Variants in RTTN observed in about 807,000 individuals in gnomAD.
The protein encoded by RTTN is rotatin.
Under a neutral mutation model 269.2 loss-of-function variants are expected in RTTN, and 182 were observed. The ratio of observed to expected loss-of-function variants is 0.68; its 90% CI spans 0.60 to 0.76. The LOEUF (loss-of-function observed/expected upper bound fraction) is 0.76. RTTN is among the 30% of genes least tolerant of loss of function. The pLI is 0.00. For synonymous variants in RTTN, 1,006 were observed against 963.5 expected, an observed-to-expected ratio of 1.04 and a Z score of -0.82; for missense variants, 2,545 against 2,608.6, an observed-to-expected ratio of 0.98 and a Z score of 0.53.
intron 32 of RTTN, among the ~76,000 whole-genome samples, chr18:70,081,498 GGAAA>G (rs1361009134): frequency 1.3e-5 from 2 of 151,992 alleles, no homozygotes; most frequent in Non-Finnish European, 2.9e-5. Context: ...ACCAACAATG[GGAAA>G]GAGAGATATA....
intron 9 of RTTN, among the ~76,000 whole-genome samples, chr18:70,189,414 T>C (rs1035367980): frequency 3.9e-5 from 6 of 152,226 alleles, no homozygotes; most frequent in South Asian, 2.1e-4. Flanking sequence ...ACTTGGAATA[T>C]ATATTTTTAC....
rs1186610705 is a variant in RTTN at position 70,196,501 on chromosome 18, C to T, written c.841G>A (p.Asp281Asn). The T allele has an allele frequency of 1.2e-5, 19 of 1,604,548 alleles. No homozygotes were observed. Among genetic ancestry groups the T allele is most frequent in the South Asian group, 3.3e-5 (3 of 89,576 alleles). ...CTAATGAACAGATAAAAATAAATACCGTGTTTATTGGAGAAAAAACCTGGA... is the reference window on the plus strand; with the variant it reads ...CTAATGAACAGATAAAAATAAATACTGTGTTTATTGGAGAAAAAACCTGGA... ...RDPGFFSNKH[D>N]TVSQNSSLSY... is the part of the protein sequence containing the mutation. The change falls in exon 7 of 49, where the codon GAC (aspartate) becomes AAC (asparagine). Residue 281 changes from aspartate to asparagine, a missense_variant and splice_region_variant. Coordinates refer to ENST00000640769, the MANE Select transcript of RTTN (RefSeq NM_173630.4).
rs2056805055 is a variant in RTTN, at chr18:70,024,742, T to C, written c.5930A>G (p.Tyr1977Cys). Residue 1977 changes from tyrosine to cysteine, a missense_variant, in exon 44 of 49, where the codon TAT (tyrosine) becomes TGT (cysteine). Coordinates refer to ENST00000640769, the MANE Select transcript of RTTN (RefSeq NM_173630.4). ...MQISLQLLCVYTANFPNGCSS... is the reference protein window; with the variant it reads ...MQISLQLLCVCTANFPNGCSS... ...ATTACCATTTGGAAAATTTGCAGTA[T>C]AGACACAAAGGAGCTGCAGAGAAAT... is the stretch of plus-strand genomic sequence containing the variant. The C allele has an allele frequency of 6.2e-7, 1 of 1,613,740 alleles. No individual in the cohort carries two copies. The highest frequency in any genetic ancestry group is 8.5e-7 in the Non-Finnish European group (1 of 1,179,706).
At chr18:70,076,513 C>T (rs1027256124) in intron 32 of RTTN, among the ~76,000 whole-genome samples, 4 of 151,940 alleles carry the variant, frequency 2.6e-5, no homozygotes, top group South Asian at 2.1e-4. Flanking sequence ...GTTAAAGGCA[C>T]GATTACACTA....
At chr18:70,080,386 T>C (rs2058533514) in intron 32 of RTTN, among the ~76,000 whole-genome samples, 1 of 152,130 alleles carries the variant, frequency 6.6e-6, no homozygotes, top group Admixed American at 6.6e-5. Flanking sequence ...CACTTTGCTG[T>C]ACCAGAAGTA....
intron 25 of RTTN, among the ~76,000 whole-genome samples, chr18:70,126,017 C>T (rs2059855799): frequency 6.6e-6 from 1 of 151,810 alleles, no homozygotes; most frequent in Non-Finnish European, 1.5e-5. Context: ...GCCTAAAAAC[C>T]AAATACAAGA....
At chr18:70,042,619 G>A (rs987770748) in intron 40 of RTTN, among the ~76,000 whole-genome samples, 3 of 151,516 alleles carry the variant, frequency 2.0e-5, no homozygotes, top group African/African-American at 2.4e-5. Flanking sequence ...CTCGTGATCC[G>A]CCCGCCTCAG....
At position 70,150,649 on chromosome 18, in the gene RTTN, AC is replaced by A; in HGVS notation, c.2013del (p.Tyr672MetfsTer15). ...TGAATGCCAAATACAGAGATTTCAT[AC>A]AGAACTTTTGGATGAAGTAGAAAAT... ...GIHFLLHPKV[L>X]YEISVFGIQE... On this transcript the variant is annotated frameshift_variant, in exon 15 of 49. Coordinates refer to ENST00000640769, the MANE Select transcript of RTTN (RefSeq NM_173630.4). LOFTEE classifies it high-confidence loss of function. 2.5e-6 allele frequency: 4 copies of A among 1,612,364 alleles called. No individual in the cohort carries two copies. Among genetic ancestry groups the A allele is most frequent in the Non-Finnish European group, 3.4e-6 (4 of 1,178,672 alleles).
chr18:70,133,691 A>G (rs192710835), intron 23 of RTTN, among the ~76,000 whole-genome samples: 1 of 152,276 alleles, frequency 6.6e-6, no homozygotes, highest in Admixed American at 6.5e-5. Context: ...AAATTAAAAT[A>G]GGATTACATT....
intron 28 of RTTN, among the ~76,000 whole-genome samples, chr18:70,098,741 CTGTT>C (rs2059072548): frequency 6.6e-6 from 1 of 152,006 alleles, no homozygotes; most frequent in Non-Finnish European, 1.5e-5. Context: ...TGTGCTGCAC[CTGTT>C]AACTTGTCAT....
At chr18:70,116,253 A>C (rs553996521) in intron 26 of RTTN, among the ~76,000 whole-genome samples, 3 of 152,082 alleles carry the variant, frequency 2.0e-5, no homozygotes, top group Non-Finnish European at 4.4e-5. Context: ...CTTGTAAAAC[A>C]ATTTTATTAT....
intron 17 of RTTN, among the ~76,000 whole-genome samples, chr18:70,148,161 T>G (rs962998490): frequency 7.2e-5 from 11 of 152,154 alleles, no homozygotes; most frequent in African/African-American, 2.7e-4. Flanking sequence ...ACACAAATTA[T>G]CCATTGTGAA....
chr18:70,051,373 A>C (rs1471369466), intron 39 of RTTN, 38 bp downstream of exon 39: 1 of 1,568,990 alleles, frequency 6.4e-7, no homozygotes, highest in Non-Finnish European at 8.6e-7. Flanking sequence ...TCGTTTTATT[A>C]GCAGAAAGCC....
At chr18:70,103,536 G>C (rs1490306605) in intron 28 of RTTN, among the ~76,000 whole-genome samples, 1 of 152,076 alleles carries the variant, frequency 6.6e-6, no homozygotes, top group East Asian at 1.9e-4. Flanking sequence ...GATGTGCTTT[G>C]TTAAACAGAT....
intron 48 of RTTN, among the ~76,000 whole-genome samples, 199 bp downstream of exon 48, chr18:70,004,999 A>AT (rs1783433992): frequency 6.6e-6 from 1 of 152,226 alleles, no homozygotes; most frequent in Non-Finnish European, 1.5e-5. Flanking sequence ...TCACAGATGC[A>AT]TTTTTAGAAG....
At chr18:70,047,679 T>G (rs1290393749) in intron 40 of RTTN, among the ~76,000 whole-genome samples, 4 of 152,238 alleles carry the variant, frequency 2.6e-5, no homozygotes, top group Non-Finnish European at 5.9e-5. Context: ...ATATATCCAT[T>G]TTGGTCATGA....
chr18:70,147,888 C>T (rs1014189316), intron 17 of RTTN, among the ~76,000 whole-genome samples: 3 of 152,130 alleles, frequency 2.0e-5, no homozygotes, highest in East Asian at 3.9e-4. Context: ...ACCACACTAG[C>T]ATGTTAATTA....
chr18:70,086,594 A>G lies in RTTN; in HGVS notation c.4374+19T>C. On this transcript the variant is annotated intron_variant, in intron 32 of 48. Coordinates refer to ENST00000640769, the MANE Select transcript of RTTN (RefSeq NM_173630.4). ...ATTTGAAACATCTACTAGGTTGATA[A>G]TTGTTTAAAATCACCCACCTGCCAA... 6.6e-7 allele frequency: 1 copy of G among 1,522,984 alleles called. No homozygotes were observed. Among genetic ancestry groups the G allele is most frequent in the Non-Finnish European group, 9.0e-7 (1 of 1,113,320 alleles). 94.3% of individuals were successfully genotyped at this position (1,522,984 alleles called of 1,614,324 possible).
At chr18:70,161,652 A>G (rs2060833982) in intron 14 of RTTN, among the ~76,000 whole-genome samples, 1 of 152,174 alleles carries the variant, frequency 6.6e-6, no homozygotes, top group Non-Finnish European at 1.5e-5. Flanking sequence ...ATCAACAAGT[A>G]AAAAACAAAT....
Sources: allele counts gnomAD v4.1 joint callset (sites outside exome capture counted in the v4.1 genomes callset), GRCh38; gene constraint gnomAD v4.1.1; transcripts MANE v1.5; gene names NCBI Gene and HGNC (gene_info 2026-07-23, HGNC 2026-07-21).